Variants in COMMD1 observed in about 807,000 individuals in gnomAD.
COMMD1 encodes the protein COMM domain-containing protein 1.
Under a neutral mutation model 17.2 loss-of-function variants are expected in COMMD1, and 10 were observed. That is an observed-to-expected ratio of 0.58 (90% CI 0.36 to 0.99). The LOEUF (loss-of-function observed/expected upper bound fraction) is 0.99, where lower values mean the gene tolerates loss of function less well. Among genes scored for constraint, COMMD1 ranks in the 50% least tolerant of loss-of-function variants. The pLI is 0.01. For missense variants in COMMD1, 270 were observed against 231.8 expected (o/e 1.17, Z -1.07); for synonymous variants, 97 against 91.6 (o/e 1.06, Z -0.34).
chr2:61,910,347 T>G (rs1338719856), intron 1 of COMMD1, among the ~76,000 whole-genome samples: 1 of 151,120 alleles, frequency 6.6e-6, no homozygotes, highest in East Asian at 1.9e-4. Flanking sequence ...ACCTCCTGGG[T>G]TCAAGCAATT....
intron 2 of COMMD1, among the ~76,000 whole-genome samples, chr2:62,103,692 A>C (rs912782120): frequency 1.3e-5 from 2 of 152,252 alleles, no homozygotes; most frequent in Non-Finnish European, 2.9e-5. Flanking sequence ...AAAAATGACT[A>C]GAATAATTTT....
chr2:62,121,371 CAAAAAAAAAAAA>C (rs55789110), intron 2 of COMMD1, among the ~76,000 whole-genome samples: 20 of 47,204 alleles, frequency 4.2e-4, no homozygotes, highest in African/African-American at 1.1e-3. Context: ...GACTCTTTCT[CAAAAAAAAAAAA>C]AAAAAAAAAA....
intron 1 of COMMD1, among the ~76,000 whole-genome samples, chr2:61,949,744 G>A (rs1671002640): frequency 6.6e-6 from 1 of 152,194 alleles, no homozygotes; most frequent in African/African-American, 2.4e-5. Context: ...GGTAGGTGAT[G>A]CTGAAATGGG....
intron 1 of COMMD1, among the ~76,000 whole-genome samples, chr2:61,927,250 CA>C (rs951180653): frequency 5.1e-4 from 77 of 152,332 alleles, no homozygotes; most frequent in African/African-American, 1.9e-3. Context: ...AAGGAAACCT[CA>C]TTCTCATGCT....
chr2:62,041,778 T>G (rs1271712299), intron 2 of COMMD1, among the ~76,000 whole-genome samples: 1 of 152,150 alleles, frequency 6.6e-6, no homozygotes, highest in Non-Finnish European at 1.5e-5. Flanking sequence ...CCTTCAGATG[T>G]TCAGATGTGT....
At chr2:62,028,405 AAT>A (rs201395269) in intron 2 of COMMD1, among the ~76,000 whole-genome samples, 3,594 of 152,224 alleles carry the variant, frequency 0.024, 100 homozygotes, top group African/African-American at 0.06. Flanking sequence ...TTTTTAAAAA[AAT>A]AGTTTTTAAT....
intron 1 of COMMD1, among the ~76,000 whole-genome samples, chr2:61,975,904 G>A (rs1671788835): frequency 1.3e-5 from 2 of 152,046 alleles, no homozygotes; most frequent in Admixed American, 1.3e-4. Flanking sequence ...TGTCTTGGTC[G>A]TTGTTCCATG....
Position 62,101,625 on chromosome 2 carries a change from A to C in COMMD1, c.463-34206A>C, listed in dbSNP as rs571771465. Among the ~76,000 whole-genome samples, 131 of 147,748 alleles carry C rather than the reference A, an allele frequency of 8.9e-4. 1 individual carries two copies. The highest frequency in any genetic ancestry group is 1.8e-3 in the Admixed American group (27 of 15,060). ...ACCCTGTCTCTCTCTCTCTCTATAT[A>C]TATATATATGGTCCCCAGGTTACCC... is the stretch of plus-strand genomic sequence containing the variant. On this transcript the variant is annotated intron_variant, in intron 2 of 2. Transcript: ENST00000311832.
At chr2:62,091,880 T>G (rs925755775) in intron 2 of COMMD1, among the ~76,000 whole-genome samples, 1 of 152,216 alleles carries the variant, frequency 6.6e-6, no homozygotes, top group Non-Finnish European at 1.5e-5. Context: ...GAGGCATTGT[T>G]AGGCAAGTAT....
At chr2:62,042,452 A>C (rs1670245665) in intron 2 of COMMD1, among the ~76,000 whole-genome samples, 1 of 152,170 alleles carries the variant, frequency 6.6e-6, no homozygotes, top group Admixed American at 6.5e-5. Flanking sequence ...TGTGGCACCT[A>C]GCCTGGGCAC....
intron 2 of COMMD1, among the ~76,000 whole-genome samples, chr2:62,097,620 G>T (rs992043252): frequency 6.6e-6 from 1 of 152,126 alleles, no homozygotes; most frequent in African/African-American, 2.4e-5. Flanking sequence ...GTAGGTGTAT[G>T]GGGGTACTAT....
intron 2 of COMMD1, among the ~76,000 whole-genome samples, chr2:62,044,308 C>A (rs1354860662): frequency 6.6e-6 from 1 of 152,178 alleles, no homozygotes; most frequent in Admixed American, 6.5e-5. Flanking sequence ...AGTTAGTCTT[C>A]GTAACATTAG....
At chr2:61,989,682 C>T (rs1284280058) in intron 1 of COMMD1, among the ~76,000 whole-genome samples, 5 of 151,898 alleles carry the variant, frequency 3.3e-5, no homozygotes, top group African/African-American at 9.7e-5. Context: ...CAGCAGGTCT[C>T]GAAACTCCCA....
chr2:61,959,173 A>G (rs753419789), intron 1 of COMMD1, among the ~76,000 whole-genome samples: 1 of 152,132 alleles, frequency 6.6e-6, no homozygotes, highest in Non-Finnish European at 1.5e-5. Context: ...TATTATTTGT[A>G]CATTCTCTCA....
chr2:61,947,763 G>C (rs1016424813), intron 1 of COMMD1, among the ~76,000 whole-genome samples: 6 of 149,502 alleles, frequency 4.0e-5, no homozygotes, highest in African/African-American at 1.2e-4. Flanking sequence ...TGTTGCCCAG[G>C]CTGTTCTCAA....
At chr2:62,059,574 A>T (rs758046867) in intron 2 of COMMD1, among the ~76,000 whole-genome samples, 11 of 152,102 alleles carry the variant, frequency 7.2e-5, no homozygotes, top group Non-Finnish European at 1.6e-4. Flanking sequence ...CGCCATAAGA[A>T]GCTTTTCAAA....
intron 1 of COMMD1, among the ~76,000 whole-genome samples, chr2:61,926,050 A>G (rs1356368334): frequency 6.6e-6 from 1 of 151,886 alleles, no homozygotes; most frequent in Admixed American, 6.6e-5. Flanking sequence ...AGCTCACTGC[A>G]ACCTCTGCCT....
chr2:62,127,947 A>C, intron 2 of COMMD1, among the ~76,000 whole-genome samples: 1 of 151,016 alleles, frequency 6.6e-6, no homozygotes, highest in East Asian at 2.0e-4. Flanking sequence ...GCTTGAACCC[A>C]GGAGACAGAG....
chr2:62,054,071 A>T (rs971296410), intron 2 of COMMD1, among the ~76,000 whole-genome samples: 3 of 152,228 alleles, frequency 2.0e-5, no homozygotes, highest in African/African-American at 7.2e-5. Flanking sequence ...AAAAGAAGAC[A>T]TATAAATGGC....
Sources: allele counts gnomAD v4.1 joint callset (sites outside exome capture counted in the v4.1 genomes callset), GRCh38; gene constraint gnomAD v4.1.1; transcripts MANE v1.5; gene names NCBI Gene and HGNC (gene_info 2026-07-23, HGNC 2026-07-21).